ATRNL1: variants seen among roughly 807,000 people sequenced by gnomAD.
ATRNL1 encodes the protein attractin-like protein 1.
A neutral mutation model predicts 182.7 loss-of-function variants in ATRNL1; 95 were observed. The observed-to-expected ratio is 0.52, with a 90% CI of 0.44 to 0.62. The LOEUF is 0.62. ATRNL1 is among the 20% of genes least tolerant of loss of function. The pLI, the probability that ATRNL1 is intolerant of heterozygous loss-of-function variation, is 0.00. For synonymous variants in ATRNL1, 576 were observed against 568.3 expected, an observed-to-expected ratio of 1.01 and a Z score of -0.19; for missense variants, 1,471 against 1,679.5, an observed-to-expected ratio of 0.88 and a Z score of 2.17.
chr10:115,609,614 C>T (rs7073599), intron 26 of ATRNL1, among the ~76,000 whole-genome samples: 76,592 of 151,844 alleles, frequency 0.5, 20,427 homozygotes, highest in African/African-American at 0.64. Flanking sequence ...TTACACCTAC[C>T]CTGCACAAGT....
chr10:115,773,018 C>T (rs1949033636), intron 27 of ATRNL1, among the ~76,000 whole-genome samples: 1 of 152,090 alleles, frequency 6.6e-6, no homozygotes, highest in Non-Finnish European at 1.5e-5. Flanking sequence ...CGTTTTCTTG[C>T]TACCCTCTTT....
chr10:115,636,317 T>C (rs1555028123), intron 26 of ATRNL1, among the ~76,000 whole-genome samples: 6 of 152,030 alleles, frequency 3.9e-5, no homozygotes, highest in Non-Finnish European at 8.8e-5. Flanking sequence ...TCCCACCACA[T>C]CCCTATCTCA....
chr10:115,131,074 A>T (rs782436761), intron 5 of ATRNL1, among the ~76,000 whole-genome samples: 1 of 151,974 alleles, frequency 6.6e-6, no homozygotes, highest in Non-Finnish European at 1.5e-5. Context: ...TTCATATCCT[A>T]TTATTCTCAT....
chr10:115,585,556 A>G (rs1855461686), intron 26 of ATRNL1, among the ~76,000 whole-genome samples: 1 of 99,616 alleles, frequency 1.0e-5, no homozygotes, highest in Non-Finnish European at 2.1e-5. Flanking sequence ...GTTTTAACAG[A>G]GACTAGGATT....
intron 25 of ATRNL1, among the ~76,000 whole-genome samples, chr10:115,521,739 A>G (rs1191268240): frequency 6.6e-6 from 1 of 152,166 alleles, no homozygotes; most frequent in Non-Finnish European, 1.5e-5. Flanking sequence ...GATAAAATAT[A>G]TTTGATGGGT....
rs184178096 is a variant in ATRNL1, at chr10:115,563,094, A to G, written c.3795+13558A>G. On this transcript the variant is annotated intron_variant, in intron 26 of 28. Coordinates refer to ENST00000355044, the MANE Select transcript of ATRNL1 (RefSeq NM_207303.4). ...GAACATACCTGAGGCTGGGTGATTT[A>G]TAAAGGAAGAAGGTTTATTTGCCTC... Among the ~76,000 whole-genome samples, 161 of 152,304 alleles carry G rather than the reference A, an allele frequency of 1.1e-3. 1 individual carries two copies. The highest frequency in any genetic ancestry group is 3.7e-3 in the African/African-American group (155 of 41,580).
intron 25 of ATRNL1, among the ~76,000 whole-genome samples, chr10:115,545,959 C>T (rs1852628165): frequency 6.6e-6 from 1 of 152,186 alleles, no homozygotes; most frequent in Non-Finnish European, 1.5e-5. Context: ...TTTACTTCAA[C>T]TCTCTGTGAC....
intron 8 of ATRNL1, among the ~76,000 whole-genome samples, chr10:115,213,128 T>C (rs146695873): frequency 6.6e-6 from 1 of 152,294 alleles, no homozygotes; most frequent in Non-Finnish European, 1.5e-5. Flanking sequence ...TCTCTTCTCA[T>C]TCAAGTCGTG....
chr10:115,160,300 TA>T, intron 6 of ATRNL1, 86 bp downstream of exon 6: 8 of 1,294,672 alleles, frequency 6.2e-6, no homozygotes, highest in Non-Finnish European at 8.5e-6. Context: ...TGTCCGAGAG[TA>T]AAAGTGGTTA....
At chr10:115,580,063 T>C (rs2133883422) in intron 26 of ATRNL1, among the ~76,000 whole-genome samples, 1 of 152,186 alleles carries the variant, frequency 6.6e-6, no homozygotes, top group Admixed American at 6.5e-5. Flanking sequence ...TGCAGAACCA[T>C]TCACACAATT....
intron 25 of ATRNL1, among the ~76,000 whole-genome samples, chr10:115,529,546 CT>C (rs1173986574): frequency 6.7e-6 from 1 of 150,328 alleles, no homozygotes; most frequent in Non-Finnish European, 1.5e-5. Context: ...TTTTATTTTC[CT>C]TTTAGCAGTT....
chr10:115,836,541 C>G (rs578031235), intron 27 of ATRNL1, among the ~76,000 whole-genome samples: 3 of 152,156 alleles, frequency 2.0e-5, no homozygotes, highest in African/African-American at 7.2e-5. Flanking sequence ...TCGCTTCTGG[C>G]GTTGCCTGCA....
At chr10:115,712,410 C>A (rs1018621939) in intron 26 of ATRNL1, among the ~76,000 whole-genome samples, 1 of 152,080 alleles carries the variant, frequency 6.6e-6, no homozygotes, top group Non-Finnish European at 1.5e-5. Context: ...AGATTGTAAA[C>A]CCTGATTTTA....
chr10:115,718,088 C>G (rs925564615), intron 26 of ATRNL1, among the ~76,000 whole-genome samples: 1 of 152,160 alleles, frequency 6.6e-6, no homozygotes, highest in Non-Finnish European at 1.5e-5. Flanking sequence ...TTGAAACAAT[C>G]TATATGGCTG....
chr10:115,314,619 G>A (rs1854200399), intron 17 of ATRNL1, among the ~76,000 whole-genome samples: 1 of 152,132 alleles, frequency 6.6e-6, no homozygotes, highest in African/African-American at 2.4e-5. Context: ...AATAGTAAAA[G>A]TAACTATGTA....
chr10:115,257,387 CTTCT>C (rs1481941834), intron 10 of ATRNL1, among the ~76,000 whole-genome samples: 1 of 152,024 alleles, frequency 6.6e-6, no homozygotes, highest in African/African-American at 2.4e-5. Flanking sequence ...ATGTATTGGC[CTTCT>C]TTGTCTCTTT....
chr10:115,226,034 C>T (rs1186444404), intron 9 of ATRNL1, among the ~76,000 whole-genome samples: 2 of 151,616 alleles, frequency 1.3e-5, no homozygotes, highest in African/African-American at 4.8e-5. Flanking sequence ...GATCTCATCA[C>T]TTATGATTTT....
In ATRNL1 at chr10:115,261,002, G is replaced by T. The variant is rs537697017; in HGVS notation, c.1688-4191G>T. On this transcript the variant is annotated intron_variant, in intron 10 of 28. Coordinates refer to ENST00000355044, the MANE Select transcript of ATRNL1 (RefSeq NM_207303.4). ...TGGGATTGAAGTACACAAATTTTAA[G>T]ACTAAAAGAGCCTACTGAGCCCCAG... 2.6e-5 allele frequency among the ~76,000 whole-genome samples: 4 copies of T among 151,990 alleles called. No homozygotes were observed. In the South Asian group the frequency reaches 8.3e-4, roughly 32 times the overall value.
chr10:115,665,707 G>T (rs1860959183), intron 26 of ATRNL1, among the ~76,000 whole-genome samples: 1 of 152,124 alleles, frequency 6.6e-6, no homozygotes, highest in South Asian at 2.1e-4. Context: ...GACTCCCCTT[G>T]AGTCACAGTT....
Sources: gnomAD v4.1 joint callset for allele counts (sites outside exome capture counted in the v4.1 genomes callset) on GRCh38, gnomAD v4.1.1 for gene constraint, MANE v1.5 for transcripts, NCBI Gene and HGNC (gene_info 2026-07-23, HGNC 2026-07-21) for gene names.